ARHGAP26: variants seen among roughly 807,000 people sequenced by gnomAD.
The protein encoded by ARHGAP26 is Rho GTPase activating protein 26.
ARHGAP26 carries 38 observed loss-of-function variants against 104.8 expected under a neutral mutation model. The observed-to-expected ratio is 0.36, with a 90% confidence interval of 0.28 to 0.48. ARHGAP26 has a LOEUF of 0.48. Ranked by LOEUF, ARHGAP26 falls within the 20% of genes least tolerant of loss-of-function variation. The probability of loss-of-function intolerance (pLI) is 0.99; values close to 1 mark genes in which losing one functional copy is unlikely to be tolerated. For synonymous variants in ARHGAP26, 341 were observed against 340.0 expected (o/e 1.00, Z -0.03); for missense variants, 704 against 947.9 (o/e 0.74, Z 3.38).
chr5:142,790,326 G>A (rs1243232147), intron 1 of ARHGAP26, among the ~76,000 whole-genome samples: 1 of 152,142 alleles, frequency 6.6e-6, no homozygotes, highest in African/African-American at 2.4e-5. Context: ...GTTGAAAATT[G>A]TAAGGCATCC....
chr5:142,966,029 T>G (rs1304711765), intron 11 of ARHGAP26, among the ~76,000 whole-genome samples: 1 of 152,236 alleles, frequency 6.6e-6, no homozygotes, highest in African/African-American at 2.4e-5. Flanking sequence ...GGCAGTTTGG[T>G]TTCTGTTTTC....
intron 11 of ARHGAP26, among the ~76,000 whole-genome samples, chr5:142,992,745 A>T (rs1419513044): frequency 2.0e-5 from 3 of 152,164 alleles, no homozygotes; most frequent in Non-Finnish European, 2.9e-5. Context: ...TTTTTAAAGC[A>T]CATAGGGTAT....
intron 18 of ARHGAP26, among the ~76,000 whole-genome samples, chr5:143,125,928 T>A (rs2150834407): frequency 6.6e-6 from 1 of 152,342 alleles, no homozygotes; most frequent in South Asian, 2.1e-4. Flanking sequence ...GGGGTTGAAC[T>A]TAGTACTACT....
At chr5:142,929,062 C>A (rs760650128) in intron 10 of ARHGAP26, among the ~76,000 whole-genome samples, 1 of 152,162 alleles carries the variant, frequency 6.6e-6, no homozygotes, top group Non-Finnish European at 1.5e-5. Context: ...GTCAGCCTCC[C>A]GAGTAGCTGG....
intron 1 of ARHGAP26, among the ~76,000 whole-genome samples, chr5:142,851,552 T>C (rs748199678): frequency 3.3e-5 from 5 of 152,236 alleles, no homozygotes; most frequent in Admixed American, 1.3e-4. Flanking sequence ...CATAGGCTCA[T>C]GCACAAGAAC....
intron 17 of ARHGAP26, among the ~76,000 whole-genome samples, chr5:143,092,704 C>T (rs1485991718): frequency 6.6e-6 from 1 of 152,132 alleles, no homozygotes; most frequent in African/African-American, 2.4e-5. Flanking sequence ...TTGTTGAAAA[C>T]CTTTTAAGTT....
chr5:143,028,720 A>G (rs1295925812), intron 12 of ARHGAP26, among the ~76,000 whole-genome samples: 2 of 152,216 alleles, frequency 1.3e-5, no homozygotes, highest in African/African-American at 4.8e-5. Flanking sequence ...ATCCAGCCAG[A>G]GGTAGCTGAG....
At chr5:143,001,976 A>G (rs1368392389) in intron 11 of ARHGAP26, among the ~76,000 whole-genome samples, 1 of 152,248 alleles carries the variant, frequency 6.6e-6, no homozygotes, top group Non-Finnish European at 1.5e-5. Flanking sequence ...TGGCAAGGGA[A>G]GAAGTCACCT....
At chr5:143,013,809 G>A (rs1779206612) in intron 11 of ARHGAP26, among the ~76,000 whole-genome samples, 1 of 152,022 alleles carries the variant, frequency 6.6e-6, no homozygotes, top group East Asian at 1.9e-4. Flanking sequence ...ATTTATGTAC[G>A]CATATACATT....
intron 1 of ARHGAP26, among the ~76,000 whole-genome samples, chr5:142,851,133 T>C (rs1051396519): frequency 8.6e-5 from 13 of 151,924 alleles, no homozygotes; most frequent in Admixed American, 2.0e-4. Context: ...AGTCTCACTC[T>C]GTTGCCCAGG....
At chr5:142,945,805 C>T (rs76623534) in intron 11 of ARHGAP26, among the ~76,000 whole-genome samples, 3,077 of 152,254 alleles carry the variant, frequency 0.02, 103 homozygotes, top group African/African-American at 0.069. Flanking sequence ...GAAATTAACA[C>T]TGATACAATA....
intron 6 of ARHGAP26, among the ~76,000 whole-genome samples, chr5:142,900,975 A>G (rs1223239792): frequency 6.6e-6 from 1 of 152,148 alleles, no homozygotes; most frequent in Non-Finnish European, 1.5e-5. Flanking sequence ...TCTTTCCTAA[A>G]TCTCGTTCGG....
intron 11 of ARHGAP26, among the ~76,000 whole-genome samples, chr5:142,942,397 C>T (rs915298451): frequency 1.3e-5 from 2 of 151,982 alleles, no homozygotes; most frequent in African/African-American, 4.8e-5. Flanking sequence ...ATTTATGATA[C>T]AATAAACATG....
chr5:142,978,149 G>A (rs775832670), intron 11 of ARHGAP26, among the ~76,000 whole-genome samples: 11 of 152,108 alleles, frequency 7.2e-5, no homozygotes, highest in African/African-American at 1.4e-4. Flanking sequence ...GCGTGGGGTC[G>A]GATCGCTTCT....
chr5:142,992,511 GCAACCTCCTGGGTT>G (rs1293000466), intron 11 of ARHGAP26, among the ~76,000 whole-genome samples: 2 of 150,976 alleles, frequency 1.3e-5, no homozygotes, highest in African/African-American at 4.9e-5. Flanking sequence ...TCTGCTCACT[GCAACCTCCTGGGTT>G]CACGTCATTC....
intron 20 of ARHGAP26, among the ~76,000 whole-genome samples, chr5:143,196,282 A>G (rs912111912): frequency 1.3e-5 from 2 of 151,678 alleles, no homozygotes; most frequent in African/African-American, 4.9e-5. Context: ...CTCTAATCTC[A>G]TGTTTATGGC....
chr5:143,087,633 A>ATTTTTTTTTTTTTT (rs1292744774), intron 17 of ARHGAP26, among the ~76,000 whole-genome samples: 5 of 19,338 alleles, frequency 2.6e-4, no homozygotes, highest in Non-Finnish European at 4.5e-4. Flanking sequence ...ACCCTGGCCC[A>ATTTTTTTTTTTTTT]TTCTTTTTTT....
intron 17 of ARHGAP26, among the ~76,000 whole-genome samples, chr5:143,111,937 G>A (rs1313495173): frequency 6.6e-6 from 1 of 152,144 alleles, no homozygotes; most frequent in Admixed American, 6.5e-5. Context: ...TTTAACCCAG[G>A]TACCTAGTGC....
At chr5:143,062,034 T>C (rs1786787222) in intron 17 of ARHGAP26, among the ~76,000 whole-genome samples, 2 of 152,186 alleles carry the variant, frequency 1.3e-5, no homozygotes, top group South Asian at 2.1e-4. Context: ...GATATCAGAA[T>C]AAAGGCAGAG....
Sources: gnomAD v4.1 joint callset for allele counts (sites outside exome capture counted in the v4.1 genomes callset) on GRCh38, gnomAD v4.1.1 for gene constraint, MANE v1.5 for transcripts, NCBI Gene and HGNC (gene_info 2026-07-23, HGNC 2026-07-21) for gene names.